The following CDH15 variants were observed in gnomAD, a reference collection of about 807,000 sequenced individuals.
CDH15 encodes cadherin 15.
Under a neutral mutation model 69.4 loss-of-function variants are expected in CDH15, and 73 were observed. That is an observed-to-expected ratio of 1.05 (90% CI 0.87 to 1.28). CDH15 has a LOEUF of 1.28. Among genes scored for constraint, CDH15 ranks in the 50% most tolerant of loss-of-function variants. The pLI is 0.00. For synonymous variants in CDH15, 624 were observed against 507.7 expected, an observed-to-expected ratio of 1.23 and a Z score of -3.08; for missense variants, 1,343 against 1,133.6, an observed-to-expected ratio of 1.18 and a Z score of -2.65.
chr16:89,178,219 C>T (rs1337439296), intron 1 of CDH15, among the ~76,000 whole-genome samples: 1 of 152,146 alleles, frequency 6.6e-6, no homozygotes, highest in Non-Finnish European at 1.5e-5. Flanking sequence ...TGGGGGCAGC[C>T]ACCTCCACTT....
chr16:89,191,254 C>G (rs1001802916), intron 8 of CDH15, 76 bp from the exon 9 acceptor site: 3 of 1,557,486 alleles, frequency 1.9e-6, no homozygotes, highest in African/African-American at 1.4e-5. Flanking sequence ...CAGTGCATGT[C>G]ACGCACCCAT....
At chr16:89,192,048 C>A (rs1040029831) in intron 10 of CDH15, among the ~76,000 whole-genome samples, 154 bp downstream of exon 10, 1 of 152,070 alleles carries the variant, frequency 6.6e-6, no homozygotes, top group African/African-American at 2.4e-5. Context: ...TGCATCCTCC[C>A]GTGGGGCAGG....
At chr16:89,185,095 T>G in intron 4 of CDH15, 78 bp from the exon 5 acceptor site, 1 of 1,370,626 alleles carries the variant, frequency 7.3e-7, no homozygotes. Flanking sequence ...GCACACGAGG[T>G]GCCCCCACGC....
intron 8 of CDH15, 89 bp from the exon 9 acceptor site, chr16:89,191,241 G>A: frequency 1.4e-6 from 2 of 1,443,996 alleles, no homozygotes; most frequent in Admixed American, 1.7e-5. Context: ...GCCTGTGTGT[G>A]TGCAGTGCAT....
intron 4 of CDH15, among the ~76,000 whole-genome samples, chr16:89,184,874 A>T (rs750827643): frequency 6.6e-6 from 1 of 152,204 alleles, no homozygotes; most frequent in Non-Finnish European, 1.5e-5. Context: ...GTCGCATCCA[A>T]TGCTCCTGTG....
chr16:89,195,017 G>T lies in CDH15; in HGVS notation c.2307G>T (p.Trp769Cys). ...AGGACTACGACTACCTCAGAGACTG[G>T]GGGCCCCGCTTCGCCCGGCTGGCAG... ...EDQDYDYLRDWGPRFARLADM... is the reference protein window; with the variant it reads ...EDQDYDYLRDCGPRFARLADM... The change falls in exon 14 of 14, where the codon TGG becomes TGT. Residue 769 changes from tryptophan to cysteine, a missense_variant. Transcript: ENST00000289746. The T allele has an allele frequency of 6.2e-7, 1 of 1,612,286 alleles. No homozygotes were observed.
intron 1 of CDH15, among the ~76,000 whole-genome samples, chr16:89,176,356 AG>A (rs1236342090): frequency 1.3e-5 from 2 of 152,050 alleles, no homozygotes; most frequent in African/African-American, 4.8e-5. Flanking sequence ...TGGTCAGAGT[AG>A]CTGTCGACAC....
At chr16:89,179,298 G>A (rs761795891) in intron 1 of CDH15, 118 bp from the exon 2 acceptor site, 16 of 1,217,912 alleles carry the variant, frequency 1.3e-5, no homozygotes, top group South Asian at 2.6e-5. Context: ...GCACCGACCC[G>A]TGGGCTGAGG....
Position 89,193,859 on chromosome 16 carries a change from GCCAC to G in CDH15, c.2100_2103del (p.Pro701GlufsTer48). The G allele has an allele frequency of 1.9e-6, 3 of 1,611,878 alleles. No individual in the cohort carries two copies. In the African/African-American group the frequency reaches 4.0e-5, roughly 21 times the overall value. On this transcript the variant is annotated frameshift_variant, in exon 13 of 14. Coordinates refer to ENST00000289746, the MANE Select transcript of CDH15 (RefSeq NM_004933.3). LOFTEE classifies it high-confidence loss of function. ...CCCCGCAGGGCCGCCTGCACCCCCA[GCCAC>G]CCCGAGTGCTGCCCACCAGCCCCCT...
intron 5 of CDH15, 24 bp downstream of exon 5, chr16:89,185,357 C>T (rs1472836027): frequency 1.3e-6 from 2 of 1,576,904 alleles, no homozygotes; most frequent in South Asian, 2.3e-5. Context: ...CCGGCAGCTC[C>T]ACACCCGCAC....
intron 1 of CDH15, among the ~76,000 whole-genome samples, chr16:89,172,231 G>T (rs924012078): frequency 6.6e-6 from 1 of 151,984 alleles, no homozygotes; most frequent in African/African-American, 2.4e-5. Context: ...GGGGGGAGCG[G>T]CAGGAGTGCC....
chr16:89,192,252 C>A lies in CDH15; in HGVS notation c.1663C>A (p.His555Asn). 6.5e-7 allele frequency: 1 copy of A among 1,530,654 alleles called. No homozygotes were observed. The highest frequency in any genetic ancestry group is 8.7e-7 in the Non-Finnish European group (1 of 1,145,198). 94.8% of individuals were successfully genotyped at this position (1,530,654 alleles called of 1,614,324 possible). The change falls in exon 11 of 14, where the codon CAC becomes AAC. Residue 555 changes from histidine (H) to asparagine (N), a missense_variant. Coordinates refer to ENST00000289746, the MANE Select transcript of CDH15 (RefSeq NM_004933.3). ...GCGACACCAGGTCCCCGAAGGCCTG[C>A]ACCGCCTCAGCCTGCTGCTCCGGGA... ...RPRHQVPEGL[H>N]RLSLLLRDSG...
chr16:89,190,500 G>T lies in CDH15; in HGVS notation c.1232+4G>T. 6.3e-7 allele frequency: 1 copy of T among 1,586,148 alleles called. No homozygotes were observed. Among genetic ancestry groups the T allele is most frequent in the East Asian group, 2.3e-5 (1 of 43,872 alleles). The stretch of plus-strand genomic sequence containing the variant: ...CAGAGCAGCTGCAGAGGCTCAGGTG[G>T]GGCTCCTGAGGCCCTGGGAGAGGTA... On this transcript the variant is annotated splice_donor_region_variant and intron_variant, in intron 8 of 13. Transcript: ENST00000289746.
intron 1 of CDH15, among the ~76,000 whole-genome samples, chr16:89,174,659 G>C (rs760051818): frequency 2.0e-5 from 3 of 152,150 alleles, no homozygotes; most frequent in Admixed American, 1.3e-4. Flanking sequence ...ACGTCTCAAG[G>C]GCTTCGAGGT....
chr16:89,195,446 C>T lies in CDH15; in HGVS notation c.*291C>T, dbSNP rs1335302742. On this transcript the variant is annotated 3_prime_UTR_variant, in exon 14 of 14. Transcript: ENST00000289746. ...CTCATCTTTGTATGAAAGACAGCAACCTCCTGGGTAAATCTGAATGAAAAA... is the reference window on the plus strand; with the variant it reads ...CTCATCTTTGTATGAAAGACAGCAATCTCCTGGGTAAATCTGAATGAAAAA... 3 of 477,352 alleles carry T rather than the reference C, an allele frequency of 6.3e-6. No individual in the cohort carries two copies. Among genetic ancestry groups the T allele is most frequent in the Non-Finnish European group, 7.5e-6 (2 of 267,474 alleles). 29.6% of individuals were successfully genotyped at this position (477,352 alleles called of 1,614,324 possible). A position where few individuals can be genotyped will look rare whatever the true frequency, so the allele number is the denominator to read the frequency against.
In CDH15 at chr16:89,190,278, CAA is replaced by C. The variant is rs748393817; in HGVS notation, c.1016_1017del (p.Lys339SerfsTer6). 6 of 1,612,658 alleles carry C rather than the reference CAA, an allele frequency of 3.7e-6. No individual in the cohort carries two copies. The African/African-American group carries it at 5.3e-5, about 14-fold the overall frequency. ...DYESCEHYEL[K>X]VSVQNEAPLQ... ...ATGAGAGCTGTGAACACTACGAACTCAAAGTGTCGGTGCAGAATGAGGCCCCG... is the reference window on the plus strand; with the variant it reads ...ATGAGAGCTGTGAACACTACGAACTCAGTGTCGGTGCAGAATGAGGCCCCG... On this transcript the variant is annotated frameshift_variant, in exon 8 of 14. Coordinates refer to ENST00000289746, the MANE Select transcript of CDH15 (RefSeq NM_004933.3). LOFTEE classifies it high-confidence loss of function.
intron 13 of CDH15, among the ~76,000 whole-genome samples, chr16:89,194,125 C>T (rs1915731885): frequency 2.0e-5 from 3 of 152,240 alleles, no homozygotes; most frequent in South Asian, 2.1e-4. Context: ...CCACCCGCGA[C>T]GCGGGTCTTT....
intron 1 of CDH15, among the ~76,000 whole-genome samples, chr16:89,173,856 T>G (rs1299555896): frequency 6.6e-6 from 1 of 152,230 alleles, no homozygotes; most frequent in African/African-American, 2.4e-5. Context: ...TTGCTGGTTC[T>G]ACACCTGGGA....
intron 7 of CDH15, among the ~76,000 whole-genome samples, chr16:89,189,399 A>G (rs1482236093): frequency 6.6e-6 from 1 of 151,806 alleles, no homozygotes; most frequent in African/African-American, 2.4e-5. Flanking sequence ...CCACACACAG[A>G]TGCCCACACA....
Sources: allele counts gnomAD v4.1 joint callset (sites outside exome capture counted in the v4.1 genomes callset), GRCh38; gene constraint gnomAD v4.1.1; transcripts MANE v1.5; gene names NCBI Gene and HGNC (gene_info 2026-07-23, HGNC 2026-07-21).